Variants in TENM1 observed in about 807,000 individuals in gnomAD.
TENM1 encodes teneurin-1.
Under a neutral mutation model 174.8 loss-of-function variants are expected in TENM1, and 35 were observed. The observed-to-expected ratio is 0.20, with a 90% CI of 0.15 to 0.27. The LOEUF is 0.27. Among genes scored for constraint, TENM1 ranks in the 10% least tolerant of loss-of-function variants. TENM1 has a pLI of 1.00. For missense variants in TENM1, 1,633 were observed against 2,130.1 expected, an observed-to-expected ratio of 0.77 and a Z score of 4.59; for synonymous variants, 781 against 798.7, an observed-to-expected ratio of 0.98 and a Z score of 0.37.
At chrX:124,795,395 T>C (rs1453266343) in intron 3 of TENM1, among the ~76,000 whole-genome samples, 2 of 112,372 alleles carry the variant, frequency 1.8e-5, no homozygotes, top group Non-Finnish European at 3.8e-5. Context: ...TAGCTTATAA[T>C]TCCTGCATAA....
chrX:124,631,778 T>G (rs1240399875), intron 11 of TENM1, among the ~76,000 whole-genome samples: 1 of 105,268 alleles, frequency 9.5e-6, no homozygotes, highest in African/African-American at 3.5e-5. Context: ...CATGTGCCTG[T>G]AATCCCAGCT....
intron 11 of TENM1, among the ~76,000 whole-genome samples, chrX:124,638,078 A>G (rs951930653): frequency 9.0e-6 from 1 of 111,011 alleles, no homozygotes; most frequent in African/African-American, 3.3e-5. Context: ...TAGGGCTATC[A>G]TTTTTTTCCC....
chrX:124,731,608 GTTGA>G (rs748438982), intron 4 of TENM1, among the ~76,000 whole-genome samples: 124 of 111,508 alleles, frequency 1.1e-3, no homozygotes, highest in African/African-American at 3.9e-3. Context: ...CAAGAAACAG[GTTGA>G]TTAAATACAA....
At chrX:125,183,447 T>C in the TENM1 span, among the ~76,000 whole-genome samples, 1 of 111,978 alleles carries the variant, frequency 8.9e-6, no homozygotes, top group Non-Finnish European at 1.9e-5. Context: ...AATGTTTTAA[T>C]ATGAACTCAA....
chrX:124,618,407 T>C (rs943246197), intron 11 of TENM1, among the ~76,000 whole-genome samples: 10 of 112,166 alleles, frequency 8.9e-5, no homozygotes, highest in Non-Finnish European at 1.1e-4. Context: ...TAGAGTTTTA[T>C]ATTTTTCTGC....
chrX:125,142,887 C>T, the TENM1 span, among the ~76,000 whole-genome samples: 12,619 of 111,073 alleles, frequency 0.11, 598 homozygotes, highest in Middle Eastern at 0.16. Context: ...AGATGTAGGC[C>T]CCTAAATCGG....
rs752145603 is a variant in TENM1, at chrX:124,523,579, C to T, written c.2818G>A (p.Asp940Asn). The stretch of plus-strand genomic sequence containing the variant: ...TTCTCAGGCAGGAAAGGGGATCGGT[C>T]GAAGATTAAGATGACAGAGATGCCA... Residue 940 changes from aspartate (D) to asparagine (N), a missense_variant, in exon 17 of 32, where the codon GAC becomes AAC. Asp to Asn is a conservative substitution (Grantham distance 23, BLOSUM62 1). Coordinates refer to ENST00000422452, the Ensembl canonical transcript of TENM1. 117 of 1,209,446 alleles carry T rather than the reference C, an allele frequency of 9.7e-5. 1 individual carries two copies. In the South Asian group the frequency reaches 1.8e-3, roughly 18 times the overall value.
chrX:124,392,042 A>G lies in TENM1; in HGVS notation c.5688+10T>C, dbSNP rs1447323887. The G allele has an allele frequency of 8.5e-7, 1 of 1,180,851 alleles. No homozygotes were observed. Among genetic ancestry groups the G allele is most frequent in the African/African-American group, 1.8e-5 (1 of 56,123 alleles). On this transcript the variant is annotated intron_variant, in intron 28 of 31. Transcript: ENST00000422452. ...AACTTGAAACTTGTCTTTTTCCCCT[A>G]TGTACTTACTTTTTCTAAGTAGGTA...
chrX:124,757,130 C>A (rs1185090486), intron 3 of TENM1, among the ~76,000 whole-genome samples: 1 of 112,742 alleles, frequency 8.9e-6, no homozygotes, highest in Non-Finnish European at 1.9e-5. Flanking sequence ...CCTCCTTGAG[C>A]TGTGGTTGGC....
At chrX:125,101,162 C>T in the TENM1 span, among the ~76,000 whole-genome samples, 4 of 112,100 alleles carry the variant, frequency 3.6e-5, no homozygotes, top group African/African-American at 1.3e-4. Flanking sequence ...AATATGTTTG[C>T]TAAATGCCAA....
In TENM1 at chrX:124,872,351, T is replaced by A. The variant is rs141640965; in HGVS notation, c.535+21945A>T. 2.3e-3 allele frequency among the ~76,000 whole-genome samples: 256 copies of A among 112,167 alleles called. 3 individuals are homozygous for A. Among genetic ancestry groups the A allele is most frequent in the African/African-American group, 8.0e-3 (249 of 30,963 alleles). On this transcript the variant is annotated intron_variant, in intron 3 of 31. Coordinates refer to ENST00000422452, the Ensembl canonical transcript of TENM1. ...AATTACACAGCATTTTTGTGCAGGCTACACAATCTCTCCAACTTCAGAAGA... is the reference window on the plus strand; with the variant it reads ...AATTACACAGCATTTTTGTGCAGGCAACACAATCTCTCCAACTTCAGAAGA...
At chrX:125,038,990 G>A in the TENM1 span, among the ~76,000 whole-genome samples, 3 of 111,569 alleles carry the variant, frequency 2.7e-5, no homozygotes, top group African/African-American at 9.7e-5. Flanking sequence ...TACAGAAAGG[G>A]ACAACTCATA....
At chrX:124,693,375 A>G (rs746379454) in intron 5 of TENM1, among the ~76,000 whole-genome samples, 1 of 111,689 alleles carries the variant, frequency 9.0e-6, no homozygotes, top group East Asian at 2.8e-4. Context: ...TTTGGGAACC[A>G]TTAATATAAT....
chrX:124,794,065 C>T (rs970679546), intron 3 of TENM1, among the ~76,000 whole-genome samples: 1 of 110,827 alleles, frequency 9.0e-6, no homozygotes, highest in African/African-American at 3.3e-5. Context: ...CACCCTCTGG[C>T]ACATTGTCTC....
chrX:124,517,691 A>C (rs2047743261), intron 18 of TENM1, among the ~76,000 whole-genome samples: 1 of 106,199 alleles, frequency 9.4e-6, no homozygotes, highest in Non-Finnish European at 1.9e-5. Context: ...GAGGGATAGC[A>C]TTAGGAGATA....
intron 3 of TENM1, among the ~76,000 whole-genome samples, chrX:124,860,793 TTTTC>T (rs1055700974): frequency 1.8e-5 from 2 of 111,683 alleles, no homozygotes; most frequent in African/African-American, 6.5e-5. Context: ...AGAAAACCAC[TTTTC>T]TCCTGAGATT....
rs138714134 is a variant in TENM1, at chrX:124,775,899, C to T, written c.536-38702G>A. Among the ~76,000 whole-genome samples, 712 of 111,444 alleles carry T rather than the reference C, an allele frequency of 6.4e-3. 5 individuals carry two copies. The highest frequency in any genetic ancestry group is 0.022 in the African/African-American group (676 of 30,634). ...ATGGGATGCCAACTTTTGGTATGTG[C>T]TAGTTCTGTGGGGCCTACTGTGGGA... On this transcript the variant is annotated intron_variant, in intron 3 of 31. Transcript: ENST00000422452.
chrX:124,835,108 C>T (rs137919937), intron 3 of TENM1, among the ~76,000 whole-genome samples: 250 of 111,955 alleles, frequency 2.2e-3, no homozygotes, highest in Non-Finnish European at 3.6e-3. Context: ...AATAATTCCA[C>T]GCTCTCTCAT....
At chrX:125,060,200 CACA>C in the TENM1 span, among the ~76,000 whole-genome samples, 1 of 109,092 alleles carries the variant, frequency 9.2e-6, no homozygotes, top group Admixed American at 9.9e-5. Context: ...CACACACACA[CACA>C]CACACACACA....
Sources: gnomAD v4.1 joint callset for allele counts (sites outside exome capture counted in the v4.1 genomes callset) on GRCh38, gnomAD v4.1.1 for gene constraint, MANE v1.5 for transcripts, NCBI Gene and HGNC (gene_info 2026-07-23, HGNC 2026-07-21) for gene names.